The following IQCJ variants were observed in gnomAD, a reference collection of about 807,000 sequenced individuals.
IQCJ encodes IQ domain-containing protein J.
In IQCJ, 9 loss-of-function variants were observed where a neutral mutation model predicts 11.0. That is an observed-to-expected ratio of 0.82 (90% CI 0.49 to 1.43). The LOEUF is 1.43. Ranked by LOEUF, IQCJ falls within the 40% of genes most tolerant of loss-of-function variation. IQCJ has a pLI of 0.00. For synonymous variants in IQCJ, 55 were observed against 51.3 expected (o/e 1.07, Z -0.31); for missense variants, 146 against 133.2 (o/e 1.10, Z -0.47).
chr3:159,084,740 A>T (rs1029622355), intron 1 of IQCJ, among the ~76,000 whole-genome samples: 1 of 152,016 alleles, frequency 6.6e-6, no homozygotes, highest in East Asian at 1.9e-4. Context: ...CAGGAATATG[A>T]TCATTTCAAG....
In IQCJ at chr3:159,263,291, T is replaced by G; in HGVS notation, c.*560T>G. The G allele has an allele frequency of 2.7e-6, 1 of 371,566 alleles. No individual in the cohort carries two copies. Among genetic ancestry groups the G allele is most frequent in the Non-Finnish European group, 3.7e-6 (1 of 269,068 alleles). 23.0% of individuals were successfully genotyped at this position (371,566 alleles called of 1,614,324 possible). On this transcript the variant is annotated 3_prime_UTR_variant, in exon 4 of 4. Coordinates refer to ENST00000397832, the MANE Select transcript of IQCJ (RefSeq NM_001042706.3). ...AATGTGATTTTCTTTCTTCAGGACA[T>G]GTCAGAAATCTGCATTTTTAAGTGT... is the stretch of plus-strand genomic sequence containing the variant.
chr3:159,197,792 C>A (rs1022663716), intron 1 of IQCJ, among the ~76,000 whole-genome samples: 1 of 151,490 alleles, frequency 6.6e-6, no homozygotes, highest in East Asian at 1.9e-4. Context: ...CACATTGTTA[C>A]CTTGTGGTAC....
chr3:159,069,843 TTG>T (rs34425057), intron 1 of IQCJ: 43,196 of 299,274 alleles, frequency 0.14, 3,014 homozygotes, highest in Admixed American at 0.18. Flanking sequence ...CCCTCCTTTC[TTG>T]TGTGTGTGTG....
intron 1 of IQCJ, among the ~76,000 whole-genome samples, chr3:159,139,350 C>A (rs1177468038): frequency 5.3e-5 from 8 of 152,034 alleles, no homozygotes; most frequent in Non-Finnish European, 8.8e-5. Context: ...AAAATGTATT[C>A]TGTGTGACAG....
At chr3:159,070,539 A>G (rs1412365680) in intron 1 of IQCJ, among the ~76,000 whole-genome samples, 1 of 152,152 alleles carries the variant, frequency 6.6e-6, no homozygotes, top group East Asian at 1.9e-4. Context: ...ATATGCTTAA[A>G]AATAACTGAT....
chr3:159,244,392 A>G (rs561526289), intron 1 of IQCJ, among the ~76,000 whole-genome samples: 7 of 152,246 alleles, frequency 4.6e-5, no homozygotes, highest in African/African-American at 1.7e-4. Context: ...CCTCCACACC[A>G]TGTAGTATGT....
At position 159,110,676 on chromosome 3, in the gene IQCJ, C is replaced by T. The variant is rs190549126; in HGVS notation, c.9+41235C>T. 4.1e-3 allele frequency among the ~76,000 whole-genome samples: 626 copies of T among 152,224 alleles called. 3 individuals carry two copies. Among genetic ancestry groups the T allele is most frequent in the African/African-American group, 0.014 (590 of 41,520 alleles). ...CTTATTCATCACTGTATCCCCAGCA[C>T]CCAGCGCAGTACCTGGCAGACAGGG... On this transcript the variant is annotated intron_variant, in intron 1 of 3. Transcript: ENST00000397832.
In IQCJ at chr3:159,243,115, G is replaced by C. The variant is rs1168494353; in HGVS notation, c.10-2728G>C. Among the ~76,000 whole-genome samples the C allele has an allele frequency of 3.3e-5, 5 of 152,182 alleles. 1 individual carries two copies. The highest frequency in any genetic ancestry group is 1.2e-4 in the African/African-American group (5 of 41,448). ...CATTGAATATTGGTGGGAATGTACA[G>C]CAGCTAGACTTCTCTTACATTGCTG... is the stretch of plus-strand genomic sequence containing the variant. On this transcript the variant is annotated intron_variant, in intron 1 of 3. Transcript: ENST00000397832.
chr3:159,086,843 T>A (rs946685219), intron 1 of IQCJ, among the ~76,000 whole-genome samples: 11 of 152,156 alleles, frequency 7.2e-5, no homozygotes, highest in Admixed American at 1.3e-4. Flanking sequence ...TTTCTAGATA[T>A]ACAATCATGT....
chr3:159,218,784 T>C (rs1343601313), intron 1 of IQCJ, among the ~76,000 whole-genome samples: 5 of 152,172 alleles, frequency 3.3e-5, no homozygotes, highest in African/African-American at 1.2e-4. Flanking sequence ...CTTAGTGGCT[T>C]AAACCAACAC....
chr3:159,184,145 T>A (rs1311345616), intron 1 of IQCJ, among the ~76,000 whole-genome samples: 2 of 152,034 alleles, frequency 1.3e-5, no homozygotes, highest in Non-Finnish European at 2.9e-5. Flanking sequence ...CCCGCTCACC[T>A]CTCCATCTTC....
intron 1 of IQCJ, among the ~76,000 whole-genome samples, chr3:159,243,084 G>T (rs936307424): frequency 1.3e-5 from 2 of 152,120 alleles, no homozygotes; most frequent in Non-Finnish European, 2.9e-5. Context: ...AAGTGAAAAA[G>T]ACTGACATTG....
At chr3:159,244,867 A>G (rs74884812) in intron 1 of IQCJ, among the ~76,000 whole-genome samples, 5,320 of 152,184 alleles carry the variant, frequency 0.035, 135 homozygotes, top group East Asian at 0.11. Flanking sequence ...TCCCCTTGGG[A>G]CTGGTCACTT....
chr3:159,235,606 G>T (rs1399360248), intron 1 of IQCJ, among the ~76,000 whole-genome samples: 2 of 152,256 alleles, frequency 1.3e-5, no homozygotes, highest in Non-Finnish European at 2.9e-5. Context: ...CTAGCTGTAA[G>T]TGTACCCTTC....
At position 159,220,495 on chromosome 3, in the gene IQCJ, G is replaced by A. The variant is rs868546619; in HGVS notation, c.10-25348G>A. Among the ~76,000 whole-genome samples, 45 of 152,266 alleles carry A rather than the reference G, an allele frequency of 3.0e-4. 1 individual carries two copies. The highest frequency in any genetic ancestry group is 6.8e-3 in the Middle Eastern group (2 of 294). The stretch of plus-strand genomic sequence containing the variant: ...AAGAGCCTCAGAAGAAACCGGTCCT[G>A]TACCTGTGCTTTACCTTGGACTTCC... On this transcript the variant is annotated intron_variant, in intron 1 of 3. Transcript: ENST00000397832.
intron 1 of IQCJ, among the ~76,000 whole-genome samples, chr3:159,117,167 A>C (rs1164000631): frequency 2.0e-5 from 3 of 152,172 alleles, no homozygotes; most frequent in African/African-American, 7.2e-5. Flanking sequence ...AGCCCACATG[A>C]ATGTCACTAA....
At chr3:159,177,815 G>C (rs1238994508) in intron 1 of IQCJ, among the ~76,000 whole-genome samples, 2 of 152,292 alleles carry the variant, frequency 1.3e-5, no homozygotes, top group East Asian at 3.9e-4. Flanking sequence ...AAAGAGGGGA[G>C]GGAGAAAGTA....
intron 1 of IQCJ, among the ~76,000 whole-genome samples, chr3:159,131,959 C>T (rs1346139719): frequency 1.3e-5 from 2 of 152,104 alleles, no homozygotes; most frequent in African/African-American, 2.4e-5. Context: ...CACACACACA[C>T]ACACACACAA....
At chr3:159,092,743 A>T (rs573018915) in intron 1 of IQCJ, among the ~76,000 whole-genome samples, 2 of 111,594 alleles carry the variant, frequency 1.8e-5, no homozygotes, top group African/African-American at 7.6e-5. Context: ...ATTTAGAAAC[A>T]ACGGGGGGAA....
Sources: gnomAD v4.1 joint callset for allele counts (sites outside exome capture counted in the v4.1 genomes callset) on GRCh38, gnomAD v4.1.1 for gene constraint, MANE v1.5 for transcripts, NCBI Gene and HGNC (gene_info 2026-07-23, HGNC 2026-07-21) for gene names.